The following DPP6 variants were observed in gnomAD, a reference collection of about 807,000 sequenced individuals.
The protein encoded by DPP6 is A-type potassium channel modulatory protein DPP6.
A neutral mutation model predicts 122.6 loss-of-function variants in DPP6; 69 were observed. That is an observed-to-expected ratio of 0.56 (90% CI 0.46 to 0.69). The LOEUF (loss-of-function observed/expected upper bound fraction) is 0.69, where lower values mean the gene tolerates loss of function less well. Among genes scored for constraint, DPP6 ranks in the 30% least tolerant of loss-of-function variants. The probability of loss-of-function intolerance (pLI) is 0.00; values close to 1 mark genes in which losing one functional copy is unlikely to be tolerated. For synonymous variants in DPP6, 418 were observed against 433.1 expected, an observed-to-expected ratio of 0.97 and a Z score of 0.43; for missense variants, 928 against 1,116.9, an observed-to-expected ratio of 0.83 and a Z score of 2.41.
At chr7:154,453,528 A>G (rs1820569914) in intron 2 of DPP6, among the ~76,000 whole-genome samples, 3 of 149,458 alleles carry the variant, frequency 2.0e-5, no homozygotes, top group South Asian at 2.1e-4. Context: ...TATATATTAT[A>G]TATTTAACAT....
chr7:154,344,860 C>G (rs7780074), intron 1 of DPP6, among the ~76,000 whole-genome samples: 11 of 151,942 alleles, frequency 7.2e-5, no homozygotes, highest in Non-Finnish European at 1.3e-4. Flanking sequence ...TGCACTCCAG[C>G]CTGGGTGACA....
the DPP6 span, among the ~76,000 whole-genome samples, chr7:153,872,258 G>A: frequency 2.0e-5 from 3 of 152,082 alleles, no homozygotes; most frequent in Non-Finnish European, 4.4e-5. Flanking sequence ...GCCTGGTAAT[G>A]TGTATTTTCA....
intron 21 of DPP6, 176 bp downstream of exon 21, chr7:154,881,118 C>T: frequency 9.0e-7 from 1 of 1,109,878 alleles, no homozygotes; most frequent in Non-Finnish European, 1.2e-6. Flanking sequence ...TTCATTTGAT[C>T]AGCTCATTTT....
the DPP6 span, among the ~76,000 whole-genome samples, chr7:153,868,822 A>G: frequency 6.6e-6 from 1 of 151,842 alleles, no homozygotes; most frequent in Admixed American, 6.6e-5. Flanking sequence ...CACTGCTTTG[A>G]ATGTGTCCCA....
intron 1 of DPP6, among the ~76,000 whole-genome samples, chr7:154,103,677 C>T (rs1178523969): frequency 6.6e-6 from 1 of 152,236 alleles, no homozygotes; most frequent in Non-Finnish European, 1.5e-5. Context: ...TGGGTGGGCA[C>T]CATCCCATCG....
chr7:154,795,793 AAAAG>A (rs771512213), intron 11 of DPP6, 48 bp from the exon 12 acceptor site: 206 of 1,358,766 alleles, frequency 1.5e-4, no homozygotes, highest in Admixed American at 2.4e-4. Context: ...GCAAAAAAAA[AAAAG>A]AAAAGAAAAG....
At chr7:153,989,084 G>C (rs376235402) in intron 1 of DPP6, among the ~76,000 whole-genome samples, 6,072 of 149,668 alleles carry the variant, frequency 0.041, 32 homozygotes, top group South Asian at 0.062. Context: ...CAGCGCCCGC[G>C]AGGTGCTGCT....
At chr7:154,789,154 T>C (rs1431472289) in intron 10 of DPP6, among the ~76,000 whole-genome samples, 1 of 152,216 alleles carries the variant, frequency 6.6e-6, no homozygotes, top group African/African-American at 2.4e-5. Context: ...ACTTTTTAGG[T>C]GCTACTGAGC....
At chr7:154,542,238 G>A (rs1247951897) in intron 4 of DPP6, among the ~76,000 whole-genome samples, 1 of 152,002 alleles carries the variant, frequency 6.6e-6, no homozygotes, top group Non-Finnish European at 1.5e-5. Context: ...GAATGTGCCT[G>A]CATTTTTGCA....
rs1013793429 is a variant in DPP6, at chr7:154,875,643, C to T, written c.1884-263C>T. 5.3e-5 allele frequency among the ~76,000 whole-genome samples: 8 copies of T among 152,124 alleles called. No homozygotes were observed. The highest frequency in any genetic ancestry group is 8.8e-5 in the Non-Finnish European group (6 of 68,024). ...TCACCAAATAGATGCTTTTTGGTGG[C>T]CGTCCCAGACAGCGCCGGTGTGTGT... On this transcript the variant is annotated intron_variant, in intron 19 of 25. Transcript: ENST00000377770. The surrounding 1 kb of genome is among the most constrained non-coding windows in gnomAD (Gnocchi z 4.5).
intron 1 of DPP6, among the ~76,000 whole-genome samples, chr7:154,186,139 G>A (rs570239199): frequency 3.3e-5 from 5 of 152,242 alleles, no homozygotes; most frequent in African/African-American, 7.2e-5. Flanking sequence ...GATTTCATCC[G>A]AACAGCATGG....
At chr7:154,673,033 A>G (rs1236965440) in intron 7 of DPP6, among the ~76,000 whole-genome samples, 1 of 151,944 alleles carries the variant, frequency 6.6e-6, no homozygotes, top group African/African-American at 2.4e-5. Context: ...GGAAAGCCTG[A>G]CCCCAGAGCC....
intron 1 of DPP6, among the ~76,000 whole-genome samples, chr7:154,232,213 A>G (rs1478958339): frequency 6.6e-6 from 1 of 152,194 alleles, no homozygotes; most frequent in Admixed American, 6.5e-5. Flanking sequence ...CATGCTCTTT[A>G]ATGGGTAGGG....
At chr7:154,077,496 C>A (rs1051407724) in intron 1 of DPP6, among the ~76,000 whole-genome samples, 1 of 152,106 alleles carries the variant, frequency 6.6e-6, no homozygotes, top group African/African-American at 2.4e-5. Context: ...TCTCACCGTG[C>A]AGGATCTCTA....
chr7:154,286,884 C>T (rs1479580959), intron 1 of DPP6, among the ~76,000 whole-genome samples: 8 of 151,652 alleles, frequency 5.3e-5, no homozygotes, highest in African/African-American at 1.2e-4. Context: ...TGGCTCATTG[C>T]GACCTCCACC....
intron 1 of DPP6, among the ~76,000 whole-genome samples, chr7:153,912,815 C>T (rs542452106): frequency 6.6e-6 from 1 of 152,080 alleles, no homozygotes; most frequent in African/African-American, 2.4e-5. Context: ...CTGTTAGAGC[C>T]CCACACAGCA....
chr7:154,251,335 A>T (rs1434583663), intron 1 of DPP6, among the ~76,000 whole-genome samples: 2 of 152,218 alleles, frequency 1.3e-5, no homozygotes, highest in East Asian at 3.9e-4. Flanking sequence ...AAAAACAGAT[A>T]TGGGAGAAAC....
chr7:153,952,078 A>T (rs10276151), intron 1 of DPP6, among the ~76,000 whole-genome samples: 49,412 of 151,846 alleles, frequency 0.33, 8,390 homozygotes, highest in East Asian at 0.59. Context: ...CTACTGAATG[A>T]ATCTCATTAA....
chr7:154,719,149 T>C (rs3807259), intron 7 of DPP6, among the ~76,000 whole-genome samples: 92,526 of 151,956 alleles, frequency 0.61, 29,243 homozygotes, highest in East Asian at 0.74. Flanking sequence ...TCTCTTGTTC[T>C]TCAAACTCGA....
Sources: gnomAD v4.1 joint callset for allele counts (sites outside exome capture counted in the v4.1 genomes callset) on GRCh38, gnomAD v4.1.1 for gene constraint, Gnocchi (gnomAD v3.1) non-coding constraint, MANE v1.5 for transcripts, NCBI Gene and HGNC (gene_info 2026-07-23, HGNC 2026-07-21) for gene names.